PIK3CG: variants seen among roughly 807,000 people sequenced by gnomAD.
PIK3CG encodes phosphatidylinositol 4,5-bisphosphate 3-kinase catalytic subunit gamma isoform.
PIK3CG carries 55 observed loss-of-function variants against 102.3 expected under a neutral mutation model. The ratio of observed to expected loss-of-function variants is 0.54; its 90% CI spans 0.43 to 0.67. The LOEUF is 0.67. PIK3CG is among the 30% of genes least tolerant of loss of function. The pLI is 0.00. For synonymous variants in PIK3CG, 552 were observed against 540.0 expected, an observed-to-expected ratio of 1.02 and a Z score of -0.31; for missense variants, 1,258 against 1,391.8, an observed-to-expected ratio of 0.90 and a Z score of 1.53.
At position 106,883,262 on chromosome 7, in the gene PIK3CG, C is replaced by A. The variant is rs1790996168; in HGVS notation, c.2760+99C>A. ...TTTCAGAGAATCTGCCAGTGTCTTG[C>A]CTCCTGACATATTAGTGAAGTTTTT... On this transcript the variant is annotated intron_variant, in intron 8 of 10. Coordinates refer to ENST00000496166, the MANE Select transcript of PIK3CG (RefSeq NM_001282426.2). The surrounding 1 kb of genome is among the most constrained non-coding windows in gnomAD (Gnocchi z 5.8). The A allele has an allele frequency of 1.6e-6, 2 of 1,251,708 alleles. No homozygotes were observed. Among genetic ancestry groups the A allele is most frequent in the Non-Finnish European group, 2.3e-6 (2 of 876,284 alleles). 77.5% of individuals were successfully genotyped at this position (1,251,708 alleles called of 1,614,324 possible).
In PIK3CG at chr7:106,868,950, T is replaced by C. The variant is rs1341102990; in HGVS notation, c.1389T>C (p.Tyr463=). ...ESKGKVQLLY[Y]VNLLLIDHRF... is the part of the protein sequence containing the mutation. The stretch of plus-strand genomic sequence containing the variant: ...AGGGCAAAGTTCAGCTTCTCTATTA[T>C]GTGAACCTGCTGCTGATAGACCACC... The change falls in exon 2 of 11, where the codon TAT becomes TAC. Residue 463 remains tyrosine, a synonymous_variant. Coordinates refer to ENST00000496166, the MANE Select transcript of PIK3CG (RefSeq NM_001282426.2). This position sits in a 1 kb window ranked among gnomAD's most constrained non-coding sequence, Gnocchi z 6.2. 1 of 1,614,050 alleles carries C rather than the reference T, an allele frequency of 6.2e-7. No individual in the cohort carries two copies. Among genetic ancestry groups the C allele is most frequent in the Non-Finnish European group, 8.5e-7 (1 of 1,180,034 alleles).
rs1283965495 is a variant in PIK3CG, at chr7:106,891,063, A to T, written c.3030+4771A>T. Among the ~76,000 whole-genome samples, 1 of 152,144 alleles carries T rather than the reference A, an allele frequency of 6.6e-6. No individual in the cohort carries two copies. The highest frequency in any genetic ancestry group is 1.5e-5 in the Non-Finnish European group (1 of 68,024). On this transcript the variant is annotated intron_variant, in intron 10 of 10. Coordinates refer to ENST00000496166, the MANE Select transcript of PIK3CG (RefSeq NM_001282426.2). The surrounding 1 kb of genome is among the most constrained non-coding windows in gnomAD (Gnocchi z 4.4). ...ACTGGTTTTCTGTTTGTCTTTCCCT[A>T]TCCCAACTGTGAGCTCTGTGCAGCA...
At position 106,908,499 on chromosome 7, in the gene PIK3CG, A is replaced by G. The variant is rs933110998; in HGVS notation, c.*3112A>G. The stretch of plus-strand genomic sequence containing the variant: ...AACCATGTCCACTAAAATAAACCTA[A>G]GCAGATGTTGTAGACCTAGCCCCAC... On this transcript the variant is annotated 3_prime_UTR_variant, in exon 11 of 11. Coordinates refer to ENST00000496166, the MANE Select transcript of PIK3CG (RefSeq NM_001282426.2). The surrounding 1 kb of genome is among the most constrained non-coding windows in gnomAD (Gnocchi z 4.1). Among the ~76,000 whole-genome samples, 1 of 152,166 alleles carries G rather than the reference A, an allele frequency of 6.6e-6. No homozygotes were observed. Among genetic ancestry groups the G allele is most frequent in the African/African-American group, 2.4e-5 (1 of 41,438 alleles).
At position 106,869,404 on chromosome 7, in the gene PIK3CG, G is replaced by C. The variant is rs1426277818; in HGVS notation, c.1843G>C (p.Glu615Gln). 1 of 1,614,248 alleles carries C rather than the reference G, an allele frequency of 6.2e-7. No individual in the cohort carries two copies. Among genetic ancestry groups the C allele is most frequent in the East Asian group, 2.2e-5 (1 of 44,890 alleles). The part of the protein sequence containing the change: ...AKTYQLLARR[E>Q]VWDQSALDVG... ...AACATACCAATTGTTGGCCAGAAGG[G>C]AAGTCTGGGATCAAAGTGCTTTGGA... Residue 615 changes from glutamate (E) to glutamine (Q), a missense_variant, in exon 2 of 11, where the codon GAA (glutamate) becomes CAA (glutamine). This residue lies in a region of PIK3CG where 426 missense variants were observed against 604.2 expected (regional missense o/e 0.71). Transcript: ENST00000496166. The surrounding 1 kb of genome is among the most constrained non-coding windows in gnomAD (Gnocchi z 5.3).
At chr7:106,882,677 T>C (rs1241135771) in intron 7 of PIK3CG, 1 of 195,654 alleles carries the variant, frequency 5.1e-6, no homozygotes, top group Admixed American at 5.9e-5. Context: ...CTGAGAACTC[T>C]ACAAAACCAT....
Position 106,895,750 on chromosome 7 carries a change from T to A in PIK3CG, c.3031-9359T>A, listed in dbSNP as rs1412438039. ...TTGATTAGTAATCATAGCCAACTAC[T>A]TATGTAGCACTTAAATCTCACCACA... is the stretch of plus-strand genomic sequence containing the variant. On this transcript the variant is annotated intron_variant, in intron 10 of 10. Transcript: ENST00000496166. The surrounding 1 kb of genome is among the most constrained non-coding windows in gnomAD (Gnocchi z 5.4). 3.3e-5 allele frequency among the ~76,000 whole-genome samples: 5 copies of A among 152,230 alleles called. No individual in the cohort carries two copies. The highest frequency in any genetic ancestry group is 7.3e-5 in the Non-Finnish European group (5 of 68,042).
In PIK3CG at chr7:106,897,584, A is replaced by G. The variant is rs989020116; in HGVS notation, c.3031-7525A>G. Among the ~76,000 whole-genome samples, 1 of 152,068 alleles carries G rather than the reference A, an allele frequency of 6.6e-6. No individual in the cohort carries two copies. The highest frequency in any genetic ancestry group is 6.6e-5 in the Admixed American group (1 of 15,266). The stretch of plus-strand genomic sequence containing the variant: ...GTCTGTTGTTTCCTTCCTTGTGTTC[A>G]TAAGTTCTTATCATTTAGCTCCCAC... On this transcript the variant is annotated intron_variant, in intron 10 of 10. Coordinates refer to ENST00000496166, the MANE Select transcript of PIK3CG (RefSeq NM_001282426.2). The surrounding 1 kb of genome is among the most constrained non-coding windows in gnomAD (Gnocchi z 4.6).
rs751114861 is a variant in PIK3CG at position 106,867,556 on chromosome 7, T to G, written c.-6T>G. On this transcript the variant is annotated 5_prime_UTR_variant, in exon 2 of 11. Coordinates refer to ENST00000496166, the MANE Select transcript of PIK3CG (RefSeq NM_001282426.2). This position sits in a 1 kb window ranked among gnomAD's most constrained non-coding sequence, Gnocchi z 5.1. The stretch of plus-strand genomic sequence containing the variant: ...TGTGTCCCTCCGCTCCCAGGTCGCA[T>G]AGGGCATGGAGCTGGAGAACTATAA... The G allele has an allele frequency of 6.5e-7, 1 of 1,540,090 alleles. No individual in the cohort carries two copies.
In PIK3CG at chr7:106,906,623, C is replaced by T. The variant is rs1189083003; in HGVS notation, c.*1236C>T. ...AAATATTTTCATCTCTGAAATATCT[C>T]GTTATTTATTGGAGGTATTGTTTAA... On this transcript the variant is annotated 3_prime_UTR_variant, in exon 11 of 11. Coordinates refer to ENST00000496166, the MANE Select transcript of PIK3CG (RefSeq NM_001282426.2). 2 of 227,478 alleles carry T rather than the reference C, an allele frequency of 8.8e-6. No individual in the cohort carries two copies. The highest frequency in any genetic ancestry group is 6.3e-5 in the East Asian group (1 of 15,768). The allele number at this position is 227,478 out of a possible 1,614,324, so 14.1% of individuals were successfully genotyped here. A position where few individuals can be genotyped will look rare whatever the true frequency, so the allele number is the denominator to read the frequency against.
rs997838450 is a variant in PIK3CG at position 106,900,457 on chromosome 7, G to A, written c.3031-4652G>A. Among the ~76,000 whole-genome samples, 10 of 152,080 alleles carry A rather than the reference G, an allele frequency of 6.6e-5. No individual in the cohort carries two copies. In the South Asian group the frequency reaches 1.0e-3, roughly 16 times the overall value. On this transcript the variant is annotated intron_variant, in intron 10 of 10. Coordinates refer to ENST00000496166, the MANE Select transcript of PIK3CG (RefSeq NM_001282426.2). ...ATTTTGAGCCTATGAGTGTCATTAC[G>A]CATGAGATGGGTCTCTTAAAGACAG...
At chr7:106,889,414 T>C (rs1791211089) in intron 10 of PIK3CG, among the ~76,000 whole-genome samples, 1 of 152,230 alleles carries the variant, frequency 6.6e-6, no homozygotes, top group Non-Finnish European at 1.5e-5. Context: ...TTTTATGTTT[T>C]CTTTTAGAAT....
chr7:106,886,922 G>A, intron 10 of PIK3CG, among the ~76,000 whole-genome samples: 1 of 110,266 alleles, frequency 9.1e-6, no homozygotes, highest in Admixed American at 9.3e-5. Flanking sequence ...CAATCTTTTG[G>A]CTTCCCTGGG....
At chr7:106,904,498 A>G (rs1584352129) in intron 10 of PIK3CG, among the ~76,000 whole-genome samples, 1 of 152,248 alleles carries the variant, frequency 6.6e-6, no homozygotes, top group South Asian at 2.1e-4. Context: ...ACCTGCTCCA[A>G]AGCTTTTTGG....
intron 10 of PIK3CG, among the ~76,000 whole-genome samples, chr7:106,904,061 C>A (rs1791629304): frequency 1.3e-5 from 2 of 152,004 alleles, no homozygotes; most frequent in Non-Finnish European, 2.9e-5. Context: ...GCACCAGGCC[C>A]ACTTTTCTGA....
chr7:106,904,786 G>C (rs1791645671), intron 10 of PIK3CG, among the ~76,000 whole-genome samples: 1 of 152,192 alleles, frequency 6.6e-6, no homozygotes, highest in Non-Finnish European at 1.5e-5. Context: ...CTGACTCATT[G>C]CTCTTCAGAA....
Position 106,905,151 on chromosome 7 carries a change from A to T in PIK3CG, c.3073A>T (p.Asn1025Tyr), listed in dbSNP as rs1477217163. Reference protein sequence around the residue: ...KAYLALRHHTNLLIILFSMML... With the variant: ...KAYLALRHHTYLLIILFSMML... ...TTATCTAGCCCTTCGTCATCACACA[A>T]ACCTACTGATCATCCTGTTCTCCAT... The change falls in exon 11 of 11, where the codon AAC (asparagine) becomes TAC (tyrosine). Residue 1025 changes from asparagine (N) to tyrosine (Y), a missense_variant. Asn to Tyr is a moderately radical substitution (Grantham distance 143). Coordinates refer to ENST00000496166, the MANE Select transcript of PIK3CG (RefSeq NM_001282426.2). The surrounding 1 kb of genome is among the most constrained non-coding windows in gnomAD (Gnocchi z 5.6). The T allele has an allele frequency of 6.2e-7, 1 of 1,614,106 alleles. No individual in the cohort carries two copies. Among genetic ancestry groups the T allele is most frequent in the Non-Finnish European group, 8.5e-7 (1 of 1,179,958 alleles).
Position 106,868,090 on chromosome 7 carries a change from C to G in PIK3CG, c.529C>G (p.Arg177Gly). ...NVHDDELEFT[R>G]RGLVTPRMAE... is the part of the protein sequence containing the mutation. ...GCACGACGATGAGCTGGAGTTCACG[C>G]GCCGTGGCTTGGTGACCCCGCGCAT... Residue 177 changes from arginine to glycine, a missense_variant, in exon 2 of 11, where the codon CGC (arginine) becomes GGC (glycine). Physicochemically the swap from Arg to Gly is moderately radical, Grantham distance 125. This residue lies in a region of PIK3CG where 832 missense variants were observed against 787.5 expected (regional missense o/e 1.06). Coordinates refer to ENST00000496166, the MANE Select transcript of PIK3CG (RefSeq NM_001282426.2). This position sits in a 1 kb window ranked among gnomAD's most constrained non-coding sequence, Gnocchi z 6.2. The G allele has an allele frequency of 6.2e-7, 1 of 1,612,888 alleles. No individual in the cohort carries two copies. The highest frequency in any genetic ancestry group is 8.5e-7 in the Non-Finnish European group (1 of 1,179,254).
rs145459032 is a variant in PIK3CG at position 106,867,607 on chromosome 7, A to G, written c.46A>G (p.Asn16Asp). ...ACAGCCCGTGGTGCTGAGAGAGGAC[A>G]ACTGCCGAAGGCGCCGGAGGATGAA... The part of the protein sequence containing the change: ...YKQPVVLRED[N>D]CRRRRRMKPR... Residue 16 changes from asparagine to aspartate, a missense_variant, in exon 2 of 11, where the codon AAC becomes GAC. Physicochemically the swap from Asn to Asp is conservative, Grantham distance 23 (BLOSUM62 1). Coordinates refer to ENST00000496166, the MANE Select transcript of PIK3CG (RefSeq NM_001282426.2). This position sits in a 1 kb window ranked among gnomAD's most constrained non-coding sequence, Gnocchi z 5.1. 1.2e-6 allele frequency: 2 copies of G among 1,607,688 alleles called. No homozygotes were observed. Among genetic ancestry groups the G allele is most frequent in the Non-Finnish European group, 1.7e-6 (2 of 1,177,286 alleles).
rs2116483355 is a variant in PIK3CG at position 106,872,627 on chromosome 7, G to A, written c.2061+25G>A. The A allele has an allele frequency of 6.2e-7, 1 of 1,609,294 alleles. No homozygotes were observed. The highest frequency in any genetic ancestry group is 8.5e-7 in the Non-Finnish European group (1 of 1,175,588). On this transcript the variant is annotated intron_variant, in intron 3 of 10. Transcript: ENST00000496166. The surrounding 1 kb of genome is among the most constrained non-coding windows in gnomAD (Gnocchi z 5.3). The stretch of plus-strand genomic sequence containing the variant: ...AGTAAGTACTTCCATTTTGATAATA[G>A]CGTGAAATTTTAAGTTGCCAAGAAT...
Sources: allele counts gnomAD v4.1 joint callset (sites outside exome capture counted in the v4.1 genomes callset), GRCh38; gene constraint gnomAD v4.1.1; regional missense constraint gnomAD v4.1.1; non-coding constraint Gnocchi (gnomAD v3.1); transcripts MANE v1.5; gene names NCBI Gene and HGNC (gene_info 2026-07-23, HGNC 2026-07-21).